Variants in ATG4A observed in about 807,000 individuals in gnomAD.
ATG4A encodes autophagy related 4A cysteine peptidase.
A neutral mutation model predicts 38.4 loss-of-function variants in ATG4A; 22 were observed. The ratio of observed to expected loss-of-function variants is 0.57; its 90% confidence interval spans 0.41 to 0.82. ATG4A has a LOEUF of 0.82. Among genes scored for constraint, ATG4A ranks in the 40% least tolerant of loss-of-function variants. ATG4A has a pLI of 0.00. For missense variants in ATG4A, 220 were observed against 290.0 expected (o/e 0.76, Z 1.75); for synonymous variants, 86 against 100.7 (o/e 0.85, Z 0.88).
intron 10 of ATG4A, 146 bp downstream of exon 10, chrX:108,150,443 T>C (rs2033558394): frequency 3.8e-6 from 3 of 794,870 alleles, no homozygotes; most frequent in Non-Finnish European, 5.4e-6. Context: ...GGGGAAGGAA[T>C]GGACCCTGGA....
At chrX:108,150,601 G>T (rs1308035049) in intron 10 of ATG4A, among the ~76,000 whole-genome samples, 1 of 113,014 alleles carries the variant, frequency 8.8e-6, no homozygotes, top group Non-Finnish European at 1.9e-5. Flanking sequence ...GGCTGGGGAG[G>T]ACTCCCAATC....
At chrX:108,131,129 TG>T in intron 3 of ATG4A, 130 bp from the exon 4 acceptor site, 1 of 576,094 alleles carries the variant, frequency 1.7e-6, no homozygotes, top group Non-Finnish European at 2.9e-6. Context: ...GTTTGATCTG[TG>T]GGTGTATCTG....
intron 1 of ATG4A, among the ~76,000 whole-genome samples, chrX:108,116,189 T>G (rs1320174509): frequency 2.7e-5 from 3 of 112,552 alleles, no homozygotes; most frequent in Non-Finnish European, 5.6e-5. Flanking sequence ...ACATCTTTTG[T>G]TTTGAAAGTG....
At chrX:108,138,339 G>A in intron 9 of ATG4A, 148 bp downstream of exon 9, 1 of 502,001 alleles carries the variant, frequency 2.0e-6, no homozygotes, top group Non-Finnish European at 3.4e-6. Context: ...TTCTGTCTCC[G>A]GCCTAACTGA....
intron 1 of ATG4A, among the ~76,000 whole-genome samples, chrX:108,124,848 T>G (rs981053542): frequency 3.6e-5 from 4 of 111,619 alleles, no homozygotes; most frequent in African/African-American, 1.3e-4. Context: ...AAAAATAAAA[T>G]AAAACAATTT....
At chrX:108,106,801 C>T (rs1327702593) in intron 1 of ATG4A, among the ~76,000 whole-genome samples, 1 of 111,961 alleles carries the variant, frequency 8.9e-6, no homozygotes, top group Non-Finnish European at 1.9e-5. Context: ...TTCTCTCTCA[C>T]TACTTTCAAG....
chrX:108,095,871 G>A (rs766788461), intron 1 of ATG4A, among the ~76,000 whole-genome samples: 40 of 109,907 alleles, frequency 3.6e-4, no homozygotes, highest in Non-Finnish European at 5.1e-4. Flanking sequence ...CCTCCGTGCC[G>A]GCTAATTTTT....
rs5973822 is a variant in ATG4A, at chrX:108,153,728, A to G, written c.*16A>G. 55,002 of 1,180,502 alleles carry G rather than the reference A, an allele frequency of 0.047. 994 individuals are homozygous for G. The highest frequency in any genetic ancestry group is 0.073 in the East Asian group (2,447 of 33,575). On this transcript the variant is annotated 3_prime_UTR_variant, in exon 13 of 13. Coordinates refer to ENST00000372232, the MANE Select transcript of ATG4A (RefSeq NM_052936.5). The stretch of plus-strand genomic sequence containing the variant: ...GAGTGTGTAGAATCCTGGGAACTCA[A>G]CTTGAAGGTCTGTCTTCCATCTGGC...
chrX:108,117,735 CATT>C (rs1399160991), intron 1 of ATG4A, among the ~76,000 whole-genome samples: 1 of 112,180 alleles, frequency 8.9e-6, no homozygotes, highest in Non-Finnish European at 1.9e-5. Context: ...GATCCTGTAA[CATT>C]AGTCTGGCAA....
intron 1 of ATG4A, among the ~76,000 whole-genome samples, chrX:108,121,514 C>A (rs2032648210): frequency 1.8e-5 from 2 of 110,696 alleles, no homozygotes; most frequent in South Asian, 7.8e-4. Flanking sequence ...TCCCCTGCCC[C>A]ACCCTACACT....
intron 1 of ATG4A, among the ~76,000 whole-genome samples, chrX:108,119,191 A>G (rs1269365032): frequency 1.8e-5 from 2 of 111,980 alleles, no homozygotes; most frequent in Non-Finnish European, 3.8e-5. Flanking sequence ...ACTGTCCAGT[A>G]AATTTTTCTG....
chrX:108,144,061 T>A (rs2033368444), intron 9 of ATG4A, among the ~76,000 whole-genome samples: 1 of 111,925 alleles, frequency 8.9e-6, no homozygotes, highest in African/African-American at 3.3e-5. Flanking sequence ...TTCTTAGCCA[T>A]AAAGTGAGTG....
chrX:108,100,771 G>A (rs1255717035), intron 1 of ATG4A, among the ~76,000 whole-genome samples: 4 of 111,635 alleles, frequency 3.6e-5, no homozygotes, highest in South Asian at 3.7e-4. Context: ...ATTTGGATGC[G>A]ATGTATAATT....
At chrX:108,137,206 G>A (rs1569310122) in intron 7 of ATG4A, 36 bp downstream of exon 7, 9 of 1,096,368 alleles carry the variant, frequency 8.2e-6, no homozygotes, top group Middle Eastern at 2.5e-4. Flanking sequence ...CCAGCTGATG[G>A]GTGATGAGTT....
At chrX:108,122,890 C>T (rs1336933791) in intron 1 of ATG4A, among the ~76,000 whole-genome samples, 1 of 112,095 alleles carries the variant, frequency 8.9e-6, no homozygotes, top group African/African-American at 3.2e-5. Flanking sequence ...AGATTACACG[C>T]ATGCATAGGG....
At chrX:108,098,329 C>T (rs1471378635) in intron 1 of ATG4A, among the ~76,000 whole-genome samples, 3 of 112,038 alleles carry the variant, frequency 2.7e-5, no homozygotes, top group Admixed American at 9.5e-5. Flanking sequence ...AGCTTCCACA[C>T]TCTTGTTTTA....
chrX:108,116,452 C>T lies in ATG4A; in HGVS notation c.11-9625C>T, dbSNP rs1279017470. On this transcript the variant is annotated intron_variant, in intron 1 of 12. Transcript: ENST00000372232. ...TGGAAAAGACTCTGTACTTCTCCCCCGGTGTTGTAACACTTCACATGCTGT... is the reference window on the plus strand; with the variant it reads ...TGGAAAAGACTCTGTACTTCTCCCCTGGTGTTGTAACACTTCACATGCTGT... 3.6e-5 allele frequency among the ~76,000 whole-genome samples: 4 copies of T among 111,697 alleles called. No individual in the cohort carries two copies. The East Asian group carries it at 8.4e-4, about 23-fold the overall frequency.
At chrX:108,092,018 C>A in intron 1 of ATG4A, 182 bp downstream of exon 1, 1 of 752,995 alleles carries the variant, frequency 1.3e-6, no homozygotes, top group Non-Finnish European at 1.9e-6. Context: ...AGGGTTGGAG[C>A]TGAGTACTAC....
intron 2 of ATG4A, chrX:108,126,873 TCTGA>T (rs1462707868): frequency 1.1e-5 from 8 of 705,439 alleles, no homozygotes; most frequent in Non-Finnish European, 5.9e-6. Flanking sequence ...AAGAGGCAGC[TCTGA>T]GATTTGTGTC....
Sources: gnomAD v4.1 joint callset for allele counts (sites outside exome capture counted in the v4.1 genomes callset) on GRCh38, gnomAD v4.1.1 for gene constraint, MANE v1.5 for transcripts, NCBI Gene and HGNC (gene_info 2026-07-23, HGNC 2026-07-21) for gene names.